Variants in PCDHGB1 observed in about 807,000 individuals in gnomAD.
PCDHGB1 encodes protocadherin gamma-B1.
PCDHGB1 carries 34 observed loss-of-function variants against 56.6 expected under a neutral mutation model. That is an observed-to-expected ratio of 0.60 (90% CI 0.46 to 0.80). The LOEUF is 0.80. Among genes scored for constraint, PCDHGB1 ranks in the 30% least tolerant of loss-of-function variants. The pLI, the probability that PCDHGB1 is intolerant of heterozygous loss-of-function variation, is 0.00. For missense variants in PCDHGB1, 1,278 were observed against 1,204.6 expected, an observed-to-expected ratio of 1.06 and a Z score of -0.90; for synonymous variants, 561 against 505.9, an observed-to-expected ratio of 1.11 and a Z score of -1.46.
At chr5:141,398,743 A>C (rs770231078) in intron 1 of PCDHGB1, 2 of 1,613,864 alleles carry the variant, frequency 1.2e-6, no homozygotes, top group Admixed American at 3.3e-5. Flanking sequence ...GGAACAACAG[A>C]GTTACCATCG....
rs753233498 is a variant in PCDHGB1, at chr5:141,364,455, G to T, written c.2409+11786G>T. 13 of 1,613,882 alleles carry T rather than the reference G, an allele frequency of 8.1e-6. No homozygotes were observed. In the South Asian group the frequency reaches 1.2e-4, roughly 15 times the overall value. ...TCGATGCCGGAGGAGCTGGACAAAG[G>T]CTCCTTCGTCGGCAACATAGCCAAG... On this transcript the variant is annotated intron_variant, in intron 1 of 3. Coordinates refer to ENST00000523390, the MANE Select transcript of PCDHGB1 (RefSeq NM_018922.3).
In PCDHGB1 at chr5:141,372,328, C is replaced by A. The variant is rs1170186099; in HGVS notation, c.2409+19659C>A. ...GCCGCCCGCCAGCGCCTGCTGGTCA[C>A]TGTGCGTGATGGAGGACAGCAGCCT... On this transcript the variant is annotated intron_variant, in intron 1 of 3. Coordinates refer to ENST00000523390, the MANE Select transcript of PCDHGB1 (RefSeq NM_018922.3). 4 of 1,613,626 alleles carry A rather than the reference C, an allele frequency of 2.5e-6. No homozygotes were observed. In the South Asian group the frequency reaches 4.4e-5, roughly 18 times the overall value.
intron 1 of PCDHGB1, chr5:141,422,849 C>A: frequency 1.2e-6 from 2 of 1,614,238 alleles, no homozygotes; most frequent in Non-Finnish European, 8.5e-7. Context: ...AGCGGGGACC[C>A]GCCCCTCAGC....
At chr5:141,492,448 G>T (rs2734874) in intron 1 of PCDHGB1, among the ~76,000 whole-genome samples, 50 of 152,334 alleles carry the variant, frequency 3.3e-4, no homozygotes, top group African/African-American at 1.2e-3. Context: ...GTAGCTGATT[G>T]TGCGCGCCTG....
chr5:141,492,632 C>G (rs1359761285), intron 1 of PCDHGB1, among the ~76,000 whole-genome samples: 1 of 152,256 alleles, frequency 6.6e-6, no homozygotes, highest in Non-Finnish European at 1.5e-5. Flanking sequence ...CAGGACTCTA[C>G]GATCCTTGGG....
chr5:141,409,156 A>G (rs771600341), intron 1 of PCDHGB1: 1 of 1,613,986 alleles, frequency 6.2e-7, no homozygotes, highest in Non-Finnish European at 8.5e-7. Flanking sequence ...ACACCATGGA[A>G]GTGGAAGCGA....
intron 2 of PCDHGB1, among the ~76,000 whole-genome samples, chr5:141,503,681 A>C (rs1313633991): frequency 6.6e-6 from 1 of 152,102 alleles, no homozygotes; most frequent in Non-Finnish European, 1.5e-5. Context: ...ACTTTTGGGA[A>C]GGAGAATTGA....
intron 1 of PCDHGB1, chr5:141,366,068 C>T: frequency 6.2e-7 from 1 of 1,614,238 alleles, no homozygotes; most frequent in Admixed American, 1.7e-5. Flanking sequence ...GCTGGCGCCT[C>T]GCTCCGCAGA....
chr5:141,362,304 T>C, intron 1 of PCDHGB1: 1 of 1,614,082 alleles, frequency 6.2e-7, no homozygotes, highest in Non-Finnish European at 8.5e-7. Flanking sequence ...GGTCAGATGC[T>C]TGGGACTGTT....
intron 1 of PCDHGB1, chr5:141,357,378 C>G: frequency 1.2e-6 from 2 of 1,614,214 alleles, no homozygotes; most frequent in South Asian, 2.2e-5. Flanking sequence ...GCCTGCTTCA[C>G]GCTGAAGGCA....
chr5:141,466,085 G>T (rs1028177123), intron 1 of PCDHGB1, among the ~76,000 whole-genome samples: 2 of 151,984 alleles, frequency 1.3e-5, no homozygotes, highest in African/African-American at 4.8e-5. Flanking sequence ...TCATGCCACT[G>T]CACTCCAGCC....
rs761731200 is a variant in PCDHGB1, at chr5:141,477,252, T to C, written c.2410-17555T>C. The C allele has an allele frequency of 1.2e-6, 2 of 1,614,182 alleles. No homozygotes were observed. The highest frequency in any genetic ancestry group is 8.5e-7 in the Non-Finnish European group (1 of 1,180,034). ...ATCGCTTTGCTCAGTGTGACTGACCTGGATGCTGGCGAGAACGGGCTGGTG... is the reference window on the plus strand; with the variant it reads ...ATCGCTTTGCTCAGTGTGACTGACCCGGATGCTGGCGAGAACGGGCTGGTG... On this transcript the variant is annotated intron_variant, in intron 1 of 3. Transcript: ENST00000523390. The surrounding 1 kb of genome is among the most constrained non-coding windows in gnomAD (Gnocchi z 4.9).
chr5:141,427,705 C>T (rs2097059995), intron 1 of PCDHGB1: 1 of 983,052 alleles, frequency 1.0e-6, no homozygotes, highest in African/African-American at 1.6e-5. Flanking sequence ...CAAGTCAGCG[C>T]CTCTGACCTG....
intron 1 of PCDHGB1, among the ~76,000 whole-genome samples, chr5:141,353,364 A>G (rs1759258008): frequency 6.6e-6 from 1 of 152,202 alleles, no homozygotes; most frequent in African/African-American, 2.4e-5. Flanking sequence ...TATGTAATTG[A>G]TGTAATTATG....
chr5:141,400,361 C>G (rs776965891), intron 1 of PCDHGB1: 3 of 1,613,952 alleles, frequency 1.9e-6, no homozygotes, highest in Non-Finnish European at 2.5e-6. Flanking sequence ...GGGACTTTGC[C>G]TTATTCCTAC....
At chr5:141,394,607 G>C (rs769750411) in intron 1 of PCDHGB1, 10 of 1,613,414 alleles carry the variant, frequency 6.2e-6, no homozygotes, top group South Asian at 2.2e-5. Context: ...ACAGAGACTC[G>C]GGCCAGAACG....
At chr5:141,356,890 TA>T in intron 1 of PCDHGB1, 1 of 1,614,214 alleles carries the variant, frequency 6.2e-7, no homozygotes, top group Non-Finnish European at 8.5e-7. Context: ...TGAGATCCTG[TA>T]CCCCACCTTC....
intron 1 of PCDHGB1, chr5:141,403,047 G>T: frequency 6.2e-7 from 1 of 1,614,062 alleles, no homozygotes; most frequent in Non-Finnish European, 8.5e-7. Flanking sequence ...AGTCAGATTC[G>T]CTACTCAGTG....
intron 1 of PCDHGB1, chr5:141,372,143 G>A: frequency 6.2e-7 from 1 of 1,613,784 alleles, no homozygotes. Context: ...GCTCTGCAGA[G>A]CCTGGCTACC....
Sources: gnomAD v4.1 joint callset for allele counts (sites outside exome capture counted in the v4.1 genomes callset) on GRCh38, gnomAD v4.1.1 for gene constraint, Gnocchi (gnomAD v3.1) non-coding constraint, MANE v1.5 for transcripts, NCBI Gene and HGNC (gene_info 2026-07-23, HGNC 2026-07-21) for gene names.